LTV1: variants seen among roughly 807,000 people sequenced by gnomAD.
The protein encoded by LTV1 is LTV1 ribosome biogenesis factor.
A neutral mutation model predicts 59.9 loss-of-function variants in LTV1; 39 were observed. That is an observed-to-expected ratio of 0.65 (90% CI 0.50 to 0.85). The LOEUF (loss-of-function observed/expected upper bound fraction) is 0.85, where lower values mean the gene tolerates loss of function less well. LTV1 is among the 40% of genes least tolerant of loss of function. The probability of loss-of-function intolerance (pLI) is 0.00; values close to 1 mark genes in which losing one functional copy is unlikely to be tolerated. For synonymous variants in LTV1, 171 were observed against 189.5 expected, an observed-to-expected ratio of 0.90 and a Z score of 0.80; for missense variants, 493 against 549.1, an observed-to-expected ratio of 0.90 and a Z score of 1.02.
At position 143,857,946 on chromosome 6, in the gene LTV1, T is replaced by C; in HGVS notation, c.734T>C (p.Met245Thr). ...AAGAGTCGCTTCACGGAGTATTCGA[T>C]GACTTCCTCAGTCATGAGGAGAAAT... ...ETKSRFTEYS[M>T]TSSVMRRNEQ... The change falls in exon 6 of 11, where the codon ATG becomes ACG. Residue 245 changes from methionine (M) to threonine (T), a missense_variant. Met to Thr is a moderately conservative substitution (Grantham distance 81, BLOSUM62 -1). Coordinates refer to ENST00000367576, the MANE Select transcript of LTV1 (RefSeq NM_032860.5). The surrounding 1 kb of genome is among the most constrained non-coding windows in gnomAD (Gnocchi z 5.2). 1.2e-6 allele frequency: 2 copies of C among 1,614,126 alleles called. No individual in the cohort carries two copies. The highest frequency in any genetic ancestry group is 4.5e-5 in the East Asian group (2 of 44,872).
chr6:143,857,716 G>A lies in LTV1; in HGVS notation c.540-36G>A, dbSNP rs757811542. On this transcript the variant is annotated intron_variant, in intron 5 of 10. Coordinates refer to ENST00000367576, the MANE Select transcript of LTV1 (RefSeq NM_032860.5). This position sits in a 1 kb window ranked among gnomAD's most constrained non-coding sequence, Gnocchi z 5.2. ...GTGGTTTTGTTCTGTTACTTTTTAA[G>A]TTGTTTTGGTAGGTAATTTATGACC... 35 of 1,609,320 alleles carry A rather than the reference G, an allele frequency of 2.2e-5. No individual in the cohort carries two copies. Among genetic ancestry groups the A allele is most frequent in the Non-Finnish European group, 2.9e-5 (34 of 1,176,576 alleles).
intron 6 of LTV1, chr6:143,858,584 G>A (rs181690730): frequency 6.5e-6 from 1 of 154,146 alleles, no homozygotes; most frequent in Non-Finnish European, 1.4e-5. Flanking sequence ...GCATGTAGTA[G>A]AAGTTTAAAG....
In LTV1 at chr6:143,857,831, G is replaced by T; in HGVS notation, c.619G>T (p.Ala207Ser). Reference sequence around the variant, plus strand: ...AGATAGCAATGATGACTATGACTCTGCAGGCCTATTGTCAGATGAAGACTG... The same window carrying T: ...AGATAGCAATGATGACTATGACTCTTCAGGCCTATTGTCAGATGAAGACTG... ...KGDSNDDYDS[A>S]GLLSDEDCMS... The change falls in exon 6 of 11, where the codon GCA (alanine) becomes TCA (serine). Residue 207 changes from alanine to serine, a missense_variant. Ala to Ser is a moderately conservative substitution (Grantham distance 99). Coordinates refer to ENST00000367576, the MANE Select transcript of LTV1 (RefSeq NM_032860.5). The surrounding 1 kb of genome is among the most constrained non-coding windows in gnomAD (Gnocchi z 5.2). 6.2e-7 allele frequency: 1 copy of T among 1,614,128 alleles called. No homozygotes were observed. The highest frequency in any genetic ancestry group is 8.5e-7 in the Non-Finnish European group (1 of 1,180,000).
intron 4 of LTV1, among the ~76,000 whole-genome samples, chr6:143,852,209 A>G (rs140442587): frequency 2.6e-5 from 4 of 152,158 alleles, no homozygotes; most frequent in Admixed American, 2.0e-4. Context: ...AAGCGTTCCT[A>G]TTTCTCCACA....
At chr6:143,848,606 A>G (rs1485236185) in intron 3 of LTV1, among the ~76,000 whole-genome samples, 1 of 152,186 alleles carries the variant, frequency 6.6e-6, no homozygotes, top group Non-Finnish European at 1.5e-5. Flanking sequence ...CACAGAGATA[A>G]ATAACACATG....
intron 4 of LTV1, among the ~76,000 whole-genome samples, chr6:143,853,458 A>C (rs1187994783): frequency 6.6e-6 from 1 of 152,120 alleles, no homozygotes. Flanking sequence ...AATACGCTTT[A>C]TTTCTTTCTC....
At chr6:143,856,628 G>A (rs1221784640) in intron 4 of LTV1, among the ~76,000 whole-genome samples, 3 of 152,138 alleles carry the variant, frequency 2.0e-5, no homozygotes, top group East Asian at 1.9e-4. Context: ...CTGTGTGGAC[G>A]TCCTATTTGT....
At chr6:143,848,767 G>T (rs1051630143) in intron 3 of LTV1, among the ~76,000 whole-genome samples, 1 of 152,254 alleles carries the variant, frequency 6.6e-6, no homozygotes, top group Non-Finnish European at 1.5e-5. Context: ...TTCTAGGACA[G>T]TGATCAGAAA....
chr6:143,858,033 T>C, intron 6 of LTV1, 26 bp downstream of exon 6: 1 of 1,610,122 alleles, frequency 6.2e-7, no homozygotes, highest in Non-Finnish European at 8.5e-7. Context: ...AAGGGATGCT[T>C]TAGTACTATC....
chr6:143,859,672 T>C lies in LTV1; in HGVS notation c.796-754T>C, dbSNP rs759165514. On this transcript the variant is annotated intron_variant, in intron 6 of 10. Transcript: ENST00000367576. ...TCTTCAGGAGATATATCCCCCCCAT[T>C]TACTCTTTGTCAAAGCTTAACAGTG... Among the ~76,000 whole-genome samples, 61 of 152,198 alleles carry C rather than the reference T, an allele frequency of 4.0e-4. 1 individual carries two copies. Among genetic ancestry groups the C allele is most frequent in the Admixed American group, 4.6e-4 (7 of 15,276 alleles).
chr6:143,848,888 C>G (rs967963497), intron 3 of LTV1, among the ~76,000 whole-genome samples: 1 of 152,082 alleles, frequency 6.6e-6, no homozygotes, highest in Non-Finnish European at 1.5e-5. Context: ...ACTGTGGTTC[C>G]GTGTCAGGCA....
At chr6:143,844,403 A>G (rs1776853689) in intron 1 of LTV1, 83 bp from the exon 2 acceptor site, 2 of 1,431,988 alleles carry the variant, frequency 1.4e-6, no homozygotes, top group Admixed American at 1.8e-5. Flanking sequence ...CATGACTACT[A>G]AAGATGCATG....
intron 7 of LTV1, among the ~76,000 whole-genome samples, chr6:143,861,442 A>AG (rs1211734376): frequency 6.6e-6 from 1 of 151,996 alleles, no homozygotes; most frequent in African/African-American, 2.4e-5. Flanking sequence ...TCAAAAAAAA[A>AG]AAAAGAAATA....
chr6:143,844,799 C>T (rs1293697632), intron 2 of LTV1, among the ~76,000 whole-genome samples, 182 bp downstream of exon 2: 2 of 152,076 alleles, frequency 1.3e-5, no homozygotes, highest in East Asian at 1.9e-4. Context: ...GCCACCACGC[C>T]TTGCTATGTT....
chr6:143,855,762 G>GT lies in LTV1; in HGVS notation c.398-1540dup, dbSNP rs1777065151. ...AAATTCTTTACTTTAAGGATGTTGAGTATTGGCCCCCACTTTCTTCTGACT... is the reference window on the plus strand; with the variant it reads ...AAATTCTTTACTTTAAGGATGTTGAGTTATTGGCCCCCACTTTCTTCTGACT... On this transcript the variant is annotated intron_variant, in intron 4 of 10. Transcript: ENST00000367576. This position sits in a 1 kb window ranked among gnomAD's most constrained non-coding sequence, Gnocchi z 4.6. Among the ~76,000 whole-genome samples the GT allele has an allele frequency of 6.6e-6, 1 of 152,170 alleles. No individual in the cohort carries two copies. The highest frequency in any genetic ancestry group is 1.5e-5 in the Non-Finnish European group (1 of 68,018).
At chr6:143,845,969 C>G (rs1776882376) in intron 2 of LTV1, 82 bp from the exon 3 acceptor site, 45 of 1,352,414 alleles carry the variant, frequency 3.3e-5, no homozygotes, top group Non-Finnish European at 4.5e-5. Flanking sequence ...TGTAATATTC[C>G]CATGCCTTAT....
rs548803006 is a variant in LTV1, at chr6:143,860,635, T to G, written c.923+82T>G. On this transcript the variant is annotated intron_variant, in intron 7 of 10. Transcript: ENST00000367576. The stretch of plus-strand genomic sequence containing the variant: ...TCCAAAGAAAGGTCTATAGTATAAC[T>G]GAATTGAGGAAAAAATTAACCTAGT... 5.8e-5 allele frequency: 70 copies of G among 1,204,234 alleles called. No individual in the cohort carries two copies. In the East Asian group the frequency reaches 1.8e-3, roughly 31 times the overall value. 74.6% of individuals were successfully genotyped at this position (1,204,234 alleles called of 1,614,324 possible).
Position 143,858,026 on chromosome 6 carries a change from G to T in LTV1, c.795+19G>T, listed in dbSNP as rs1213403283. 1 of 1,612,844 alleles carries T rather than the reference G, an allele frequency of 6.2e-7. No homozygotes were observed. Among genetic ancestry groups the T allele is most frequent in the Non-Finnish European group, 8.5e-7 (1 of 1,179,496 alleles). ...TGAGAAGGTAAGGTCCCCACATAAG[G>T]GATGCTTTAGTACTATCTTATGTTA... On this transcript the variant is annotated intron_variant, in intron 6 of 10. Coordinates refer to ENST00000367576, the MANE Select transcript of LTV1 (RefSeq NM_032860.5).
intron 6 of LTV1, 111 bp from the exon 7 acceptor site, chr6:143,860,315 A>T (rs1266771927): frequency 1.2e-6 from 1 of 817,550 alleles, no homozygotes; most frequent in African/African-American, 1.7e-5. Context: ...TTGTGATAGT[A>T]CCTGAATAAC....
Sources: gnomAD v4.1 joint callset for allele counts (sites outside exome capture counted in the v4.1 genomes callset) on GRCh38, gnomAD v4.1.1 for gene constraint, Gnocchi (gnomAD v3.1) non-coding constraint, MANE v1.5 for transcripts, NCBI Gene and HGNC (gene_info 2026-07-23, HGNC 2026-07-21) for gene names.